RIMS2: variants seen among roughly 807,000 people sequenced by gnomAD.
RIMS2 encodes the protein regulating synaptic membrane exocytosis protein 2.
In RIMS2, 59 loss-of-function variants were observed where a neutral mutation model predicts 174.4. That is an observed-to-expected ratio of 0.34 (90% CI 0.27 to 0.42). The LOEUF (loss-of-function observed/expected upper bound fraction) is 0.42. Ranked by LOEUF, RIMS2 falls within the 10% of genes least tolerant of loss-of-function variation. The probability of loss-of-function intolerance (pLI) is 1.00; values close to 1 mark genes in which losing one functional copy is unlikely to be tolerated. For synonymous variants in RIMS2, 606 were observed against 572.5 expected (o/e 1.06, Z -0.84); for missense variants, 1,620 against 1,666.3 (o/e 0.97, Z 0.48).
intron 3 of RIMS2, among the ~76,000 whole-genome samples, chr8:103,858,885 C>G (rs766530946): frequency 3.3e-5 from 5 of 151,798 alleles, no homozygotes; most frequent in Non-Finnish European, 7.4e-5. Context: ...GAAATAGAAG[C>G]CCTCTGGAAT....
chr8:104,195,023 A>G lies in RIMS2; in HGVS notation c.3335-49893A>G, dbSNP rs1005819212. On this transcript the variant is annotated intron_variant, in intron 19 of 23. Coordinates refer to ENST00000504942, the Ensembl canonical transcript of RIMS2. ...TAGGTCAAGGAAAGGGAAACTGCTG[A>G]AAGCTTTTTAAGCAAAACAGTGACA... is the stretch of plus-strand genomic sequence containing the variant. Among the ~76,000 whole-genome samples the G allele has an allele frequency of 2.0e-5, 3 of 152,222 alleles. No homozygotes were observed. In the East Asian group the frequency reaches 5.8e-4, roughly 29 times the overall value.
intron 1 of RIMS2, among the ~76,000 whole-genome samples, chr8:103,632,752 T>TC (rs1259872739): frequency 7.0e-6 from 1 of 143,286 alleles, no homozygotes; most frequent in African/African-American, 2.7e-5. Flanking sequence ...TTTTTTTTTT[T>TC]TTTTGAGATG....
At chr8:104,070,773 T>C (rs181650231) in intron 19 of RIMS2, among the ~76,000 whole-genome samples, 48 of 152,272 alleles carry the variant, frequency 3.2e-4, no homozygotes, top group African/African-American at 1.1e-3. Context: ...TAAAAATACT[T>C]ATATAGTCTC....
chr8:104,007,849 A>G (rs1241063113), intron 17 of RIMS2, among the ~76,000 whole-genome samples: 3 of 152,154 alleles, frequency 2.0e-5, no homozygotes, highest in Non-Finnish European at 4.4e-5. Context: ...AGCATTAAAC[A>G]ACCTTCAGAC....
chr8:103,536,416 G>A (rs1400233043), intron 1 of RIMS2, among the ~76,000 whole-genome samples: 1 of 152,162 alleles, frequency 6.6e-6, no homozygotes, highest in Non-Finnish European at 1.5e-5. Context: ...ATCTTAAGAT[G>A]TACATTGGTC....
chr8:103,854,964 C>G (rs2099019562), intron 3 of RIMS2, among the ~76,000 whole-genome samples: 1 of 151,992 alleles, frequency 6.6e-6, no homozygotes, highest in Admixed American at 6.6e-5. Context: ...ACTGGTAGAA[C>G]TCAGCTGTGA....
chr8:103,678,296 A>C (rs923703986), intron 1 of RIMS2, among the ~76,000 whole-genome samples: 1 of 152,190 alleles, frequency 6.6e-6, no homozygotes, highest in Non-Finnish European at 1.5e-5. Context: ...TGAGAACTTG[A>C]CTATGAGCCA....
chr8:103,898,932 T>C (rs1329149396), intron 4 of RIMS2, among the ~76,000 whole-genome samples: 12 of 150,880 alleles, frequency 8.0e-5, no homozygotes. Context: ...CCAAGTGTTC[T>C]CATTCTTCAT....
intron 2 of RIMS2, among the ~76,000 whole-genome samples, chr8:103,722,484 A>T (rs1052333208): frequency 6.6e-6 from 1 of 152,094 alleles, no homozygotes; most frequent in Non-Finnish European, 1.5e-5. Context: ...GATTCTTATA[A>T]GCAGCACGCA....
At chr8:103,912,500 T>C (rs906596598) in intron 6 of RIMS2, among the ~76,000 whole-genome samples, 1 of 152,108 alleles carries the variant, frequency 6.6e-6, no homozygotes, top group African/African-American at 2.4e-5. Context: ...ATGTTTATAT[T>C]TTATTAAAGT....
At chr8:104,060,522 T>C (rs1200627803) in intron 19 of RIMS2, among the ~76,000 whole-genome samples, 11 of 151,980 alleles carry the variant, frequency 7.2e-5, no homozygotes, top group Non-Finnish European at 1.6e-4. Context: ...AAAAACCAGC[T>C]CCTGGATTCA....
At chr8:103,590,203 T>C (rs1410706022) in intron 1 of RIMS2, among the ~76,000 whole-genome samples, 4 of 151,250 alleles carry the variant, frequency 2.6e-5, no homozygotes, top group Non-Finnish European at 5.9e-5. Flanking sequence ...CATAAATATA[T>C]ACACCTACTA....
At chr8:103,709,793 T>G (rs2097281819) in intron 2 of RIMS2, among the ~76,000 whole-genome samples, 1 of 152,164 alleles carries the variant, frequency 6.6e-6, no homozygotes, top group Non-Finnish European at 1.5e-5. Flanking sequence ...TCTGTGCAGC[T>G]TTGTGTATCA....
At chr8:104,108,683 G>A (rs2098122506) in intron 19 of RIMS2, among the ~76,000 whole-genome samples, 1 of 152,090 alleles carries the variant, frequency 6.6e-6, no homozygotes, top group South Asian at 2.1e-4. Flanking sequence ...ATCATTTGGA[G>A]ATGGCAAAAA....
In RIMS2 at chr8:104,001,593, G is replaced by A. The variant is rs114890765; in HGVS notation, c.3045-11849G>A. Reference sequence around the variant, plus strand: ...AAGTAATAAATGCTATGCTGAGTTTGCAGTGTAACTTTCTCTTTTTTTTAT... The same window carrying A: ...AAGTAATAAATGCTATGCTGAGTTTACAGTGTAACTTTCTCTTTTTTTTAT... On this transcript the variant is annotated intron_variant, in intron 17 of 23. Coordinates refer to ENST00000504942, the Ensembl canonical transcript of RIMS2. Among the ~76,000 whole-genome samples the A allele has an allele frequency of 1.6e-3, 246 of 151,180 alleles. 1 individual carries two copies. Among genetic ancestry groups the A allele is most frequent in the African/African-American group, 5.5e-3 (229 of 41,464 alleles).
At chr8:104,236,681 A>G (rs1229114555) in intron 19 of RIMS2, among the ~76,000 whole-genome samples, 9 of 152,066 alleles carry the variant, frequency 5.9e-5, no homozygotes, top group African/African-American at 2.2e-4. Flanking sequence ...GGGTCATCAT[A>G]CTGCATGTTA....
intron 1 of RIMS2, among the ~76,000 whole-genome samples, chr8:103,577,145 A>G (rs2093306385): frequency 6.6e-6 from 1 of 152,256 alleles, no homozygotes; most frequent in Admixed American, 6.5e-5. Flanking sequence ...GGCAACCTAC[A>G]GAATGGGAGA....
chr8:103,837,349 C>G (rs2098903600), intron 3 of RIMS2, among the ~76,000 whole-genome samples: 1 of 152,172 alleles, frequency 6.6e-6, no homozygotes, highest in African/African-American at 2.4e-5. Context: ...TGGCTTTTAG[C>G]TGGGGACAGC....
At chr8:103,607,299 T>G (rs2095149878) in intron 1 of RIMS2, among the ~76,000 whole-genome samples, 1 of 152,106 alleles carries the variant, frequency 6.6e-6, no homozygotes, top group South Asian at 2.1e-4. Context: ...GGGATGAAAA[T>G]TCTTTTCTTT....
Sources: gnomAD v4.1 joint callset for allele counts (sites outside exome capture counted in the v4.1 genomes callset) on GRCh38, gnomAD v4.1.1 for gene constraint, MANE v1.5 for transcripts, NCBI Gene and HGNC (gene_info 2026-07-23, HGNC 2026-07-21) for gene names.